Variants in ARHGEF10 observed in about 807,000 individuals in gnomAD.
ARHGEF10 encodes Rho guanine nucleotide exchange factor 10.
In ARHGEF10, 140 loss-of-function variants were observed where a neutral mutation model predicts 147.4. The observed-to-expected ratio is 0.95, with a 90% CI of 0.83 to 1.09. The LOEUF is 1.09. Among genes scored for constraint, ARHGEF10 ranks in the 50% least tolerant of loss-of-function variants. The pLI is 0.00. For synonymous variants in ARHGEF10, 902 were observed against 695.8 expected, an observed-to-expected ratio of 1.30 and a Z score of -4.67; for missense variants, 2,222 against 1,752.7, an observed-to-expected ratio of 1.27 and a Z score of -4.78.
intron 27 of ARHGEF10, among the ~76,000 whole-genome samples, chr8:1,946,235 C>T (rs989136438): frequency 8.5e-5 from 13 of 152,164 alleles, no homozygotes; most frequent in Admixed American, 6.5e-4. Context: ...AGCCGGAGGC[C>T]GCTGTGGGGT....
intron 18 of ARHGEF10, among the ~76,000 whole-genome samples, chr8:1,913,166 A>G (rs1811505255): frequency 1.3e-5 from 2 of 151,840 alleles, no homozygotes; most frequent in Admixed American, 1.3e-4. Context: ...GCATAGCCCC[A>G]CCTTTGGGAG....
At chr8:1,839,796 TGG>T (rs1803858164) in intron 1 of ARHGEF10, among the ~76,000 whole-genome samples, 1 of 145,186 alleles carries the variant, frequency 6.9e-6, no homozygotes, top group Admixed American at 6.9e-5. Flanking sequence ...CTGTCTGGTG[TGG>T]GGACTGTCTT....
chr8:1,933,062 T>G (rs764733347), intron 25 of ARHGEF10, among the ~76,000 whole-genome samples: 4 of 152,200 alleles, frequency 2.6e-5, no homozygotes, highest in Admixed American at 6.5e-5. Flanking sequence ...AACTCATACT[T>G]GATATAAAGT....
chr8:1,903,443 C>T lies in ARHGEF10; in HGVS notation c.1813C>T (p.Leu605=). 2 of 1,614,138 alleles carry T rather than the reference C, an allele frequency of 1.2e-6. No homozygotes were observed. Among genetic ancestry groups the T allele is most frequent in the Non-Finnish European group, 1.7e-6 (2 of 1,180,038 alleles). ...AGCCAAAGCCATAAACGAAAGATAC[C>T]TGAACAAGGTTGAGAGAGGTTTTCT... is the stretch of plus-strand genomic sequence containing the variant. ...QIAKAINERY[L]NKLLSSGSRY... is the part of the protein sequence containing the mutation. Residue 605 remains leucine (L), a synonymous_variant, in exon 16 of 29, where the codon CTG becomes TTG. Coordinates refer to ENST00000349830, the MANE Select transcript of ARHGEF10 (RefSeq NM_014629.4).
intron 6 of ARHGEF10, among the ~76,000 whole-genome samples, chr8:1,868,469 C>T (rs1806806847): frequency 6.6e-6 from 1 of 152,230 alleles, no homozygotes; most frequent in Non-Finnish European, 1.5e-5. Flanking sequence ...GTAACTCTTA[C>T]AGATATTTGA....
At chr8:1,940,573 A>T (rs1412572186) in intron 26 of ARHGEF10, among the ~76,000 whole-genome samples, 3 of 152,238 alleles carry the variant, frequency 2.0e-5, no homozygotes, top group South Asian at 4.1e-4. Context: ...AAGAATTAAC[A>T]GTACTCTTTC....
intron 4 of ARHGEF10, 29 bp from the exon 5 acceptor site, chr8:1,864,344 G>C: frequency 6.2e-7 from 1 of 1,612,140 alleles, no homozygotes; most frequent in Non-Finnish European, 8.5e-7. Flanking sequence ...CAGGCGTAAA[G>C]CAGCATCACA....
chr8:1,869,372 T>C lies in ARHGEF10; in HGVS notation c.679+122T>C, dbSNP rs61746610. 7.4e-3 allele frequency: 6,226 copies of C among 839,214 alleles called. 277 individuals are homozygous for C. The African/African-American group carries it at 0.092, about 12-fold the overall frequency. The allele number at this position is 839,214 out of a possible 1,614,324, so 52.0% of individuals were successfully genotyped here. On this transcript the variant is annotated intron_variant, in intron 7 of 28. Coordinates refer to ENST00000349830, the MANE Select transcript of ARHGEF10 (RefSeq NM_014629.4). ...TCTGTATTCATGTTTTGTATGTTGC[T>C]TCTAGAATGGCTTATTGATGTGTGG... is the stretch of plus-strand genomic sequence containing the variant.
rs562936121 is a variant in ARHGEF10, at chr8:1,853,163, C to G, written c.38-4797C>G. On this transcript the variant is annotated intron_variant, in intron 2 of 28. Transcript: ENST00000349830. ...GCCGTCTGTGTTTCCTCCTCCGTGT[C>G]ATGGCCTTCATGGGTGACTCTCAGA... is the stretch of plus-strand genomic sequence containing the variant. Among the ~76,000 whole-genome samples, 6 of 152,338 alleles carry G rather than the reference C, an allele frequency of 3.9e-5. No homozygotes were observed. In the South Asian group the frequency reaches 1.2e-3, roughly 32 times the overall value.
intron 11 of ARHGEF10, 101 bp from the exon 12 acceptor site, chr8:1,893,468 A>G (rs1715889561): frequency 4.9e-6 from 4 of 810,386 alleles, no homozygotes; most frequent in Non-Finnish European, 6.5e-6. Flanking sequence ...TTTTCTAAAA[A>G]TAGAAAAGTT....
chr8:1,957,362 G>A lies in ARHGEF10; in HGVS notation c.*99G>A. ...GTTAAGCTGTGTCTACACTGGTTGGGAATAAATTAAAAACAGTATTTGGGG... is the reference window on the plus strand; with the variant it reads ...GTTAAGCTGTGTCTACACTGGTTGGAAATAAATTAAAAACAGTATTTGGGG... On this transcript the variant is annotated 3_prime_UTR_variant, in exon 29 of 29. Coordinates refer to ENST00000349830, the MANE Select transcript of ARHGEF10 (RefSeq NM_014629.4). The A allele has an allele frequency of 6.7e-7, 1 of 1,502,048 alleles. No homozygotes were observed. Among genetic ancestry groups the A allele is most frequent in the South Asian group, 1.2e-5 (1 of 82,500 alleles). The allele number at this position is 1,502,048 out of a possible 1,614,324, so 93.0% of individuals were successfully genotyped here.
At chr8:1,843,246 A>C (rs1408385303) in intron 1 of ARHGEF10, 107 bp from the exon 2 acceptor site, 1 of 770,372 alleles carries the variant, frequency 1.3e-6, no homozygotes, top group Non-Finnish European at 2.2e-6. Context: ...GCTAGTAATG[A>C]CAGTTAGCTC....
chr8:1,866,681 T>A, intron 6 of ARHGEF10, 79 bp downstream of exon 6: 2 of 1,276,972 alleles, frequency 1.6e-6, no homozygotes, highest in Non-Finnish European at 1.1e-6. Context: ...GGTCCCTGAG[T>A]CTCAGGTCCC....
Position 1,880,180 on chromosome 8 carries a change from C to T in ARHGEF10, c.960+16C>T, listed in dbSNP as rs79597896. 3.5e-5 allele frequency: 55 copies of T among 1,577,036 alleles called. 1 individual carries two copies. The highest frequency in any genetic ancestry group is 3.2e-4 in the African/African-American group (24 of 74,274). On this transcript the variant is annotated intron_variant, in intron 9 of 28. Transcript: ENST00000349830. ...TGAACTGAAGGTAGAGTCTTGCCCC[C>T]GGCCGCTGCCCCCACTTGCCAGCCG...
intron 15 of ARHGEF10, among the ~76,000 whole-genome samples, chr8:1,901,174 G>A (rs1418745117): frequency 7.9e-5 from 12 of 152,086 alleles, no homozygotes. Context: ...ATGGGGCGAG[G>A]AGACAGGCTG....
chr8:1,844,701 G>T (rs1044427876), intron 2 of ARHGEF10, among the ~76,000 whole-genome samples: 19 of 152,112 alleles, frequency 1.2e-4, no homozygotes, highest in African/African-American at 4.3e-4. Flanking sequence ...TGTCGCCATG[G>T]TGCTCGTTGT....
chr8:1,947,905 G>C (rs553717768), intron 27 of ARHGEF10, among the ~76,000 whole-genome samples: 1 of 151,842 alleles, frequency 6.6e-6, no homozygotes, highest in African/African-American at 2.4e-5. Flanking sequence ...GAATTATCCT[G>C]CTTCCCTCCA....
At chr8:1,956,200 A>C (rs1019012592) in intron 28 of ARHGEF10, among the ~76,000 whole-genome samples, 5 of 152,210 alleles carry the variant, frequency 3.3e-5, no homozygotes, top group African/African-American at 1.2e-4. Flanking sequence ...TTCTGATACG[A>C]TCGTGACTTT....
chr8:1,956,285 C>T (rs1362790609), intron 28 of ARHGEF10, among the ~76,000 whole-genome samples: 1 of 152,036 alleles, frequency 6.6e-6, no homozygotes, highest in Non-Finnish European at 1.5e-5. Flanking sequence ...TGTTCTGAAC[C>T]CCAGAACGTT....
Sources: allele counts gnomAD v4.1 joint callset (sites outside exome capture counted in the v4.1 genomes callset), GRCh38; gene constraint gnomAD v4.1.1; transcripts MANE v1.5; gene names NCBI Gene and HGNC (gene_info 2026-07-23, HGNC 2026-07-21).